Variants in CPPED1 observed in about 807,000 individuals in gnomAD.
CPPED1 encodes the protein serine/threonine-protein phosphatase CPPED1.
In CPPED1, 28 loss-of-function variants were observed where a neutral mutation model predicts 28.0. That is an observed-to-expected ratio of 1.00 (90% CI 0.74 to 1.37). CPPED1 has a LOEUF of 1.37. Among genes scored for constraint, CPPED1 ranks in the 40% most tolerant of loss-of-function variants. The pLI is 0.00. For missense variants in CPPED1, 504 were observed against 416.5 expected (o/e 1.21, Z -1.83); for synonymous variants, 198 against 180.2 (o/e 1.10, Z -0.79).
intron 2 of CPPED1, among the ~76,000 whole-genome samples, chr16:12,712,495 T>C (rs577083270): frequency 5.9e-5 from 9 of 152,352 alleles, no homozygotes; most frequent in African/African-American, 1.9e-4. Context: ...AAAACATAAC[T>C]ATTCCTTGTA....
intron 2 of CPPED1, chr16:12,761,289 AAAAAGAAAAAG>A (rs2080408618): frequency 1.3e-5 from 2 of 151,014 alleles, no homozygotes; most frequent in Non-Finnish European, 2.9e-5. Flanking sequence ...AAAAAAAAAA[AAAAAGAAAAAG>A]AAAAAGAAAA....
At chr16:12,665,435 G>A (rs1394896461) in intron 3 of CPPED1, among the ~76,000 whole-genome samples, 1 of 152,108 alleles carries the variant, frequency 6.6e-6, no homozygotes, top group Non-Finnish European at 1.5e-5. Context: ...AGACAAAGGA[G>A]ACTGAAGAAA....
chr16:12,733,274 ATTTTTTT>A (rs11463007), intron 2 of CPPED1, among the ~76,000 whole-genome samples: 8 of 139,264 alleles, frequency 5.7e-5, no homozygotes, highest in Non-Finnish European at 1.2e-4. Context: ...CGAATTAGGA[ATTTTTTT>A]TTTTTTTTTT....
intron 2 of CPPED1, among the ~76,000 whole-genome samples, chr16:12,716,782 G>C (rs551745829): frequency 1.3e-5 from 2 of 152,346 alleles, no homozygotes; most frequent in African/African-American, 4.8e-5. Flanking sequence ...GCTACCCACT[G>C]TGTGCTAGGT....
intron 3 of CPPED1, among the ~76,000 whole-genome samples, chr16:12,688,814 A>G (rs2079947141): frequency 6.6e-6 from 1 of 152,222 alleles, no homozygotes; most frequent in Admixed American, 6.5e-5. Context: ...TAAAAGATGT[A>G]AAGACAAATA....
intron 3 of CPPED1, among the ~76,000 whole-genome samples, chr16:12,699,325 G>A (rs776647902): frequency 1.7e-4 from 26 of 152,050 alleles, no homozygotes; most frequent in Non-Finnish European, 3.2e-4. Flanking sequence ...CAATGTTTTT[G>A]TATCATACAA....
rs1420599433 is a variant in CPPED1, at chr16:12,781,158, G to A, written c.289+27C>T. ...AGTCATGACCGGCTGAAGGAGAAAA[G>A]GTCACAAGCGATGACCCGAGTCTTA... On this transcript the variant is annotated intron_variant, in intron 2 of 3. Coordinates refer to ENST00000381774, the MANE Select transcript of CPPED1 (RefSeq NM_018340.3). The A allele has an allele frequency of 3.1e-6, 5 of 1,594,362 alleles. No homozygotes were observed. In the African/African-American group the frequency reaches 6.7e-5, roughly 21 times the overall value.
chr16:12,735,063 G>A (rs1230512827), intron 2 of CPPED1, among the ~76,000 whole-genome samples: 1 of 152,110 alleles, frequency 6.6e-6, no homozygotes, highest in Admixed American at 6.6e-5. Context: ...CTATCTGGAG[G>A]GTCACCAGCA....
chr16:12,744,294 G>GCAAGCA (rs199563639), intron 2 of CPPED1, among the ~76,000 whole-genome samples: 10,799 of 75,754 alleles, frequency 0.14, 438 homozygotes, highest in Non-Finnish European at 0.17. Flanking sequence ...GAGAGAGAGA[G>GCAAGCA]AGAAAGCAAG....
chr16:12,803,654 C>T lies in CPPED1; in HGVS notation c.70+53G>A, dbSNP rs3748978. ...ACACCTGAACAAAAGGTTCCCCCGGCGGAAGGTTCCGCAGCCCCAGAGTCC... is the reference window on the plus strand; with the variant it reads ...ACACCTGAACAAAAGGTTCCCCCGGTGGAAGGTTCCGCAGCCCCAGAGTCC... On this transcript the variant is annotated intron_variant, in intron 1 of 3. Transcript: ENST00000381774. The T allele has an allele frequency of 1.2e-4, 159 of 1,372,342 alleles. 3 individuals carry two copies. In the East Asian group the frequency reaches 4.7e-3, roughly 41 times the overall value. 85.0% of individuals were successfully genotyped at this position (1,372,342 alleles called of 1,614,324 possible).
intron 2 of CPPED1, among the ~76,000 whole-genome samples, chr16:12,718,891 AG>A (rs1345254649): frequency 6.6e-6 from 1 of 152,130 alleles, no homozygotes; most frequent in Non-Finnish European, 1.5e-5. Flanking sequence ...TGAACCCAGG[AG>A]GGGTAGGTTG....
chr16:12,746,326 A>C (rs2080287656), intron 2 of CPPED1, among the ~76,000 whole-genome samples: 1 of 141,320 alleles, frequency 7.1e-6, no homozygotes, highest in Non-Finnish European at 1.5e-5. Context: ...GTGAGCTGAG[A>C]GTGTACCACT....
chr16:12,664,244 T>G lies in CPPED1; in HGVS notation c.*642A>C, dbSNP rs745992344. 2.6e-5 allele frequency: 13 copies of G among 498,142 alleles called. No individual in the cohort carries two copies. Among genetic ancestry groups the G allele is most frequent in the Admixed American group, 6.4e-5 (1 of 15,670 alleles). 30.9% of individuals were successfully genotyped at this position (498,142 alleles called of 1,614,324 possible). ...GCCAATTTATGTGCAAAGGTGACTT[T>G]TCTAGGCACCCAGGAAGGCAAATTT... is the stretch of plus-strand genomic sequence containing the variant. On this transcript the variant is annotated 3_prime_UTR_variant, in exon 4 of 4. Coordinates refer to ENST00000381774, the MANE Select transcript of CPPED1 (RefSeq NM_018340.3). The surrounding 1 kb of genome is among the most constrained non-coding windows in gnomAD (Gnocchi z 4.2).
rs142447752 is a variant in CPPED1 at position 12,786,590 on chromosome 16, A to G, written c.71-5187T>C. Among the ~76,000 whole-genome samples, 72 of 152,240 alleles carry G rather than the reference A, an allele frequency of 4.7e-4. 1 individual carries two copies. The East Asian group carries it at 0.014, about 29-fold the overall frequency. The stretch of plus-strand genomic sequence containing the variant: ...TTACTATCTAGTCATCACCCTTTAC[A>G]TTGCCTTGCAAAACTAAGTGTCAAG... On this transcript the variant is annotated intron_variant, in intron 1 of 3. Coordinates refer to ENST00000381774, the MANE Select transcript of CPPED1 (RefSeq NM_018340.3).
At chr16:12,690,239 T>A (rs1009186765) in intron 3 of CPPED1, among the ~76,000 whole-genome samples, 1 of 152,086 alleles carries the variant, frequency 6.6e-6, no homozygotes, top group East Asian at 1.9e-4. Flanking sequence ...AGGCCAAGTG[T>A]GGTGGCTCAT....
At chr16:12,681,118 C>T (rs1382059909) in intron 3 of CPPED1, among the ~76,000 whole-genome samples, 7 of 151,230 alleles carry the variant, frequency 4.6e-5, no homozygotes, top group South Asian at 4.2e-4. Context: ...ATTCCTCCCC[C>T]GACCCCCGTT....
chr16:12,746,404 C>T (rs1040967816), intron 2 of CPPED1, among the ~76,000 whole-genome samples: 30 of 149,458 alleles, frequency 2.0e-4, no homozygotes, highest in Admixed American at 1.6e-3. Flanking sequence ...AATTCGATGT[C>T]CAGTGAGACA....
rs769289582 is a variant in CPPED1, at chr16:12,664,981, T to C, written c.850A>G (p.Thr284Ala). ...TATCGGTGAACAATTTTCTCGGCGGTGACCACCACGACTCGGAGCCCGTGG... is the reference window on the plus strand; with the variant it reads ...TATCGGTGAACAATTTTCTCGGCGGCGACCACCACGACTCGGAGCCCGTGG... ...DPHGLRVVVV[T>A]AEKIVHRYYS... Residue 284 changes from threonine to alanine, a missense_variant, in exon 4 of 4, where the codon ACC becomes GCC. By Grantham distance (58) the Thr-to-Ala change is moderately conservative. Transcript: ENST00000381774. This position sits in a 1 kb window ranked among gnomAD's most constrained non-coding sequence, Gnocchi z 4.2. The C allele has an allele frequency of 2.5e-6, 4 of 1,611,820 alleles. No homozygotes were observed. The highest frequency in any genetic ancestry group is 2.2e-5 in the South Asian group (2 of 90,820).
intron 2 of CPPED1, among the ~76,000 whole-genome samples, chr16:12,755,147 G>C (rs1231315832): frequency 6.6e-6 from 1 of 152,080 alleles, no homozygotes; most frequent in South Asian, 2.1e-4. Context: ...CAAAAATGGG[G>C]TCAAATCATC....
Sources: gnomAD v4.1 joint callset for allele counts (sites outside exome capture counted in the v4.1 genomes callset) on GRCh38, gnomAD v4.1.1 for gene constraint, Gnocchi (gnomAD v3.1) non-coding constraint, MANE v1.5 for transcripts, NCBI Gene and HGNC (gene_info 2026-07-23, HGNC 2026-07-21) for gene names.